The following GRM7 variants were observed in gnomAD, a reference collection of about 807,000 sequenced individuals.
GRM7 encodes the protein glutamate metabotropic receptor 7, also known as metabotropic glutamate receptor 7.
A neutral mutation model predicts 84.5 loss-of-function variants in GRM7; 35 were observed. That is an observed-to-expected ratio of 0.41 (90% confidence interval 0.32 to 0.55). The LOEUF (loss-of-function observed/expected upper bound fraction) is 0.55, where lower values mean the gene tolerates loss of function less well. Ranked by LOEUF, GRM7 falls within the 20% of genes least tolerant of loss-of-function variation. The pLI, the probability that GRM7 is intolerant of heterozygous loss-of-function variation, is 0.19. For synonymous variants in GRM7, 487 were observed against 455.1 expected, an observed-to-expected ratio of 1.07 and a Z score of -0.89; for missense variants, 1,003 against 1,194.6, an observed-to-expected ratio of 0.84 and a Z score of 2.36.
At chr3:7,539,907 CTCTG>C (rs1692775265) in intron 7 of GRM7, among the ~76,000 whole-genome samples, 1 of 152,082 alleles carries the variant, frequency 6.6e-6, no homozygotes, top group Non-Finnish European at 1.5e-5. Context: ...AAGAAATACT[CTCTG>C]TATGGACTTT....
chr3:7,324,590 G>A (rs1210785008), intron 4 of GRM7, among the ~76,000 whole-genome samples: 2 of 152,132 alleles, frequency 1.3e-5, no homozygotes, highest in African/African-American at 4.8e-5. Flanking sequence ...GTTCGTCTCT[G>A]TGTTTTCCTT....
In GRM7 at chr3:7,713,136, T is replaced by C. The variant is rs2324211; in HGVS notation, c.2699-27221T>C. 6.9e-4 allele frequency among the ~76,000 whole-genome samples: 58 copies of C among 83,886 alleles called. 2 individuals are homozygous for C. The highest frequency in any genetic ancestry group is 2.0e-3 in the South Asian group (4 of 2,028). 55.0% of individuals were successfully genotyped at this position (83,886 alleles called of 152,430 possible). ...CGAATTTTGTTTTGTTTTTTTTTTT[T>C]TTTTTTTTTTTTTTTTGAGACAATC... On this transcript the variant is annotated intron_variant, in intron 9 of 9. Coordinates refer to ENST00000357716, the MANE Select transcript of GRM7 (RefSeq NM_000844.4).
At chr3:7,407,729 T>C (rs1014246918) in intron 4 of GRM7, among the ~76,000 whole-genome samples, 3 of 152,266 alleles carry the variant, frequency 2.0e-5, no homozygotes, top group East Asian at 3.9e-4. Context: ...GTGGCAGAAA[T>C]GTAAGTGATA....
chr3:7,333,205 T>C (rs1436801695), intron 4 of GRM7, among the ~76,000 whole-genome samples: 2 of 152,106 alleles, frequency 1.3e-5, no homozygotes, highest in African/African-American at 4.8e-5. Flanking sequence ...AGAAAACCAG[T>C]GCACTAAGCA....
intron 7 of GRM7, among the ~76,000 whole-genome samples, chr3:7,563,363 C>T (rs1469765148): frequency 6.6e-6 from 1 of 152,076 alleles, no homozygotes; most frequent in African/African-American, 2.4e-5. Context: ...AAAGTTCTTT[C>T]TTAGGATAGA....
chr3:6,995,973 A>G (rs1056518746), intron 1 of GRM7, among the ~76,000 whole-genome samples: 1 of 152,200 alleles, frequency 6.6e-6, no homozygotes, highest in African/African-American at 2.4e-5. Context: ...ACTGTTGCAT[A>G]GGTATGCTCA....
chr3:7,146,779 C>A (rs1694124266), intron 2 of GRM7, 111 bp downstream of exon 2: 3 of 724,222 alleles, frequency 4.1e-6, no homozygotes, highest in East Asian at 2.7e-5. Context: ...TTCCCAGAGT[C>A]CTGTGAAGTA....
chr3:7,417,709 A>T (rs60727378), intron 5 of GRM7, among the ~76,000 whole-genome samples: 1 of 152,148 alleles, frequency 6.6e-6, no homozygotes, highest in Non-Finnish European at 1.5e-5. Context: ...GCTAAAGAAA[A>T]AGGAAGTCTT....
intron 1 of GRM7, among the ~76,000 whole-genome samples, chr3:6,913,683 G>A (rs938586179): frequency 1.4e-4 from 22 of 152,024 alleles, no homozygotes; most frequent in Non-Finnish European, 2.1e-4. Flanking sequence ...TTTCTAGTCC[G>A]GCCAGAGGTT....
rs181180180 is a variant in GRM7 at position 6,979,799 on chromosome 3, A to G, written c.519+117892A>G. 5.3e-5 allele frequency among the ~76,000 whole-genome samples: 8 copies of G among 152,324 alleles called. No homozygotes were observed. In the South Asian group the frequency reaches 1.4e-3, roughly 28 times the overall value. On this transcript the variant is annotated intron_variant, in intron 1 of 9. Coordinates refer to ENST00000357716, the MANE Select transcript of GRM7 (RefSeq NM_000844.4). Reference sequence around the variant, plus strand: ...AATCTGCAATCACTTTTGCATCAACATAATACATGTAGAGAAAATGAAGAA... The same window carrying G: ...AATCTGCAATCACTTTTGCATCAACGTAATACATGTAGAGAAAATGAAGAA...
intron 4 of GRM7, among the ~76,000 whole-genome samples, chr3:7,310,651 A>G (rs1278110164): frequency 6.6e-6 from 1 of 152,222 alleles, no homozygotes; most frequent in African/African-American, 2.4e-5. Context: ...TAAGAGAGCA[A>G]TGAGATACTG....
intron 4 of GRM7, among the ~76,000 whole-genome samples, chr3:7,356,297 A>ATT (rs1011380269): frequency 6.7e-6 from 1 of 148,932 alleles, no homozygotes; most frequent in African/African-American, 2.5e-5. Context: ...GCAGAGGAGG[A>ATT]TTTTTTTTTT....
chr3:7,639,725 C>T (rs1343808030), intron 8 of GRM7, among the ~76,000 whole-genome samples: 1 of 152,032 alleles, frequency 6.6e-6, no homozygotes, highest in Non-Finnish European at 1.5e-5. Context: ...TTATATATGT[C>T]ATAAAGCAGT....
At chr3:7,251,233 A>T (rs1697973372) in intron 2 of GRM7, among the ~76,000 whole-genome samples, 1 of 152,152 alleles carries the variant, frequency 6.6e-6, no homozygotes, top group Non-Finnish European at 1.5e-5. Context: ...TGGTCCTTAA[A>T]AGTGTGAATA....
At chr3:6,972,243 G>T (rs976628125) in intron 1 of GRM7, among the ~76,000 whole-genome samples, 1 of 152,070 alleles carries the variant, frequency 6.6e-6, no homozygotes, top group African/African-American at 2.4e-5. Context: ...GGGCAGGAAG[G>T]CACTCAATTT....
chr3:7,422,203 G>A (rs1696424647), intron 5 of GRM7, among the ~76,000 whole-genome samples: 1 of 152,074 alleles, frequency 6.6e-6, no homozygotes, highest in Non-Finnish European at 1.5e-5. Flanking sequence ...AATATTTTAG[G>A]CATTATGGGT....
intron 1 of GRM7, among the ~76,000 whole-genome samples, chr3:7,094,213 G>A (rs1037859765): frequency 7.9e-5 from 12 of 151,952 alleles, no homozygotes; most frequent in Admixed American, 1.3e-4. Flanking sequence ...GAAGCTAAGC[G>A]AAGCAAGCTG....
intron 8 of GRM7, among the ~76,000 whole-genome samples, chr3:7,599,604 C>G (rs1696220321): frequency 6.6e-6 from 1 of 152,094 alleles, no homozygotes; most frequent in Non-Finnish European, 1.5e-5. Context: ...AAGATGTCCA[C>G]TCTATAGCTA....
At chr3:6,944,432 T>C (rs1480897030) in intron 1 of GRM7, among the ~76,000 whole-genome samples, 1 of 152,176 alleles carries the variant, frequency 6.6e-6, no homozygotes, top group Admixed American at 6.5e-5. Flanking sequence ...TGGAGATTAC[T>C]TATATGGCTT....
Sources: gnomAD v4.1 joint callset for allele counts (sites outside exome capture counted in the v4.1 genomes callset) on GRCh38, gnomAD v4.1.1 for gene constraint, MANE v1.5 for transcripts, NCBI Gene and HGNC (gene_info 2026-07-23, HGNC 2026-07-21) for gene names.